The following MACF1 variants were observed in gnomAD, a reference collection of about 807,000 sequenced individuals.
MACF1 encodes microtubule-actin cross-linking factor 1.
MACF1 carries 193 observed loss-of-function variants against 854.8 expected under a neutral mutation model. The ratio of observed to expected loss-of-function variants is 0.23; its 90% CI spans 0.20 to 0.25. MACF1 has a LOEUF of 0.25. Ranked by LOEUF, MACF1 falls within the 10% of genes least tolerant of loss-of-function variation. MACF1 has a pLI of 1.00. For synonymous variants in MACF1, 3,185 were observed against 3,226.7 expected (o/e 0.99, Z 0.44); for missense variants, 7,722 against 8,929.1 (o/e 0.86, Z 5.45).
chr1:39,144,415 A>G (rs918419128), intron 2 of MACF1, among the ~76,000 whole-genome samples: 1 of 152,112 alleles, frequency 6.6e-6, no homozygotes, highest in African/African-American at 2.4e-5. Context: ...TAGCAACTCC[A>G]TATTCATGAG....
chr1:39,273,295 A>G (rs1300653507), intron 6 of MACF1, among the ~76,000 whole-genome samples: 1 of 150,678 alleles, frequency 6.6e-6, no homozygotes, highest in Non-Finnish European at 1.5e-5. Context: ...CGCCCCCACC[A>G]CGCCCAGCTA....
rs1345224215 is a variant in MACF1 at position 39,317,306 on chromosome 1, T to G, written c.3681T>G (p.Ser1227Arg). Residue 1227 changes from serine (S) to arginine (R), a missense_variant, in exon 29 of 101, where the codon AGT (serine) becomes AGG (arginine). Ser to Arg is a moderately radical substitution (Grantham distance 110). Transcript: ENST00000564288. Reference sequence around the variant, plus strand: ...CCAAGGTAGTGGCAGAGCAGATGAGTCGTCTGACACCAGAGCGAAATCTGG... The same window carrying G: ...CCAAGGTAGTGGCAGAGCAGATGAGGCGTCTGACACCAGAGCGAAATCTGG... ...AKAKVVAEQM[S>R]RLTPERNLDL... 1 of 1,613,966 alleles carries G rather than the reference T, an allele frequency of 6.2e-7. No individual in the cohort carries two copies.
intron 2 of MACF1, among the ~76,000 whole-genome samples, chr1:39,190,395 G>GTTTGTT (rs1644237866): frequency 1.3e-5 from 1 of 79,040 alleles, no homozygotes; most frequent in African/African-American, 4.7e-5. Context: ...GTGTGTGTTT[G>GTTTGTT]TTTTTGTTTT....
At chr1:39,130,107 G>A (rs892594434) in intron 2 of MACF1, among the ~76,000 whole-genome samples, 4 of 152,064 alleles carry the variant, frequency 2.6e-5, no homozygotes, top group African/African-American at 7.2e-5. Context: ...GTGTTGAAAT[G>A]TCGGTACCTG....
In MACF1 at chr1:39,336,317, A is replaced by G. The variant is rs764877599; in HGVS notation, c.9729A>G (p.Ala3243=). ...ELTGEKFLEM[A]NPNVAGLEAG... ...CTGGAGAGAAATTTCTAGAAATGGC[A>G]AACCCTAATGTTGCAGGTCTAGAAG... is the stretch of plus-strand genomic sequence containing the variant. The change falls in exon 37 of 101, where the codon GCA becomes GCG. Residue 3243 remains alanine (A), a synonymous_variant. Coordinates refer to ENST00000564288, the MANE Select transcript of MACF1 (RefSeq NM_001394062.1). 9 of 1,614,092 alleles carry G rather than the reference A, an allele frequency of 5.6e-6. No individual in the cohort carries two copies. The highest frequency in any genetic ancestry group is 1.7e-5 in the Admixed American group (1 of 60,004).
In MACF1 at chr1:39,389,351, GTTTT is replaced by G. The variant is rs10588247; in HGVS notation, c.15816+715_15816+718del. Among the ~76,000 whole-genome samples the G allele has an allele frequency of 1.2e-3, 75 of 63,478 alleles. 1 individual carries two copies. Among genetic ancestry groups the G allele is most frequent in the Admixed American group, 4.0e-3 (15 of 3,756 alleles). 41.6% of individuals were successfully genotyped at this position (63,478 alleles called of 152,430 possible). A position where few individuals can be genotyped will look rare whatever the true frequency, so the allele number is the denominator to read the frequency against. On this transcript the variant is annotated intron_variant, in intron 58 of 100. Coordinates refer to ENST00000564288, the MANE Select transcript of MACF1 (RefSeq NM_001394062.1). ...ATCTTCAGGTCTCTGGTTTTTGTGT[GTTTT>G]TTTTTTTTTTTTTTTTTTTTTGGAG...
chr1:39,310,224 C>G, intron 24 of MACF1, 21 bp from the exon 25 acceptor site: 1 of 1,584,402 alleles, frequency 6.3e-7, no homozygotes, highest in South Asian at 1.2e-5. Context: ...GTTGCAATTT[C>G]TTCTGGCTTT....
At chr1:39,448,245 A>G (rs1644266915) in intron 83 of MACF1, 93 bp downstream of exon 83, 1 of 1,403,684 alleles carries the variant, frequency 7.1e-7, no homozygotes, top group Admixed American at 2.3e-5. Context: ...GTAAAAAGAA[A>G]ACCAATTGGT....
intron 1 of MACF1, chr1:39,206,475 G>C (rs1023464289): frequency 2.0e-5 from 3 of 152,108 alleles, no homozygotes; most frequent in African/African-American, 7.2e-5. Context: ...CTAATTAGTT[G>C]TTAATATTTT....
chr1:39,209,957 G>T (rs772262430), intron 1 of MACF1, among the ~76,000 whole-genome samples: 1 of 152,084 alleles, frequency 6.6e-6, no homozygotes, highest in Admixed American at 6.6e-5. Context: ...GGGTGTGGTG[G>T]TGTGCGCCTG....
intron 2 of MACF1, among the ~76,000 whole-genome samples, chr1:39,119,846 G>T (rs1329067372): frequency 6.9e-6 from 1 of 145,414 alleles, no homozygotes; most frequent in Non-Finnish European, 1.5e-5. Context: ...ATGGAGAATT[G>T]TAATGTGCAG....
chr1:39,412,583 A>G, intron 58 of MACF1: 1 of 1,614,042 alleles, frequency 6.2e-7, no homozygotes, highest in Non-Finnish European at 8.5e-7. Context: ...CTGAGACTTA[A>G]TCCAGATGGA....
At chr1:39,286,040 T>C (rs1247996877) in intron 14 of MACF1, among the ~76,000 whole-genome samples, 1 of 152,132 alleles carries the variant, frequency 6.6e-6, no homozygotes, top group African/African-American at 2.4e-5. Context: ...AAAGACAGGG[T>C]CTCACTTTCG....
chr1:39,171,551 C>G (rs1643949180), intron 2 of MACF1, among the ~76,000 whole-genome samples: 1 of 152,166 alleles, frequency 6.6e-6, no homozygotes, highest in South Asian at 2.1e-4. Flanking sequence ...TGGCTTCTTT[C>G]ACTTAGCATA....
intron 2 of MACF1, among the ~76,000 whole-genome samples, chr1:39,199,178 G>T (rs1391104364): frequency 6.6e-6 from 1 of 151,666 alleles, no homozygotes; most frequent in Admixed American, 6.6e-5. Flanking sequence ...GTAGAGATGG[G>T]GTTTCACCGT....
chr1:39,099,794 G>A (rs1002790813), intron 2 of MACF1, among the ~76,000 whole-genome samples: 6 of 152,188 alleles, frequency 3.9e-5, no homozygotes, highest in African/African-American at 1.4e-4. Context: ...GATGAAGAAA[G>A]ATGAAATAGA....
At chr1:39,109,608 T>G (rs1488195758) in intron 2 of MACF1, among the ~76,000 whole-genome samples, 1 of 152,092 alleles carries the variant, frequency 6.6e-6, no homozygotes, top group Non-Finnish European at 1.5e-5. Flanking sequence ...TCTCCTTTTT[T>G]TTTTTTCTAT....
chr1:39,148,708 A>G (rs1369164062), intron 2 of MACF1, among the ~76,000 whole-genome samples: 1 of 152,180 alleles, frequency 6.6e-6, no homozygotes, highest in Non-Finnish European at 1.5e-5. Flanking sequence ...TTGGACTTTT[A>G]GGTAATTTTG....
Position 39,451,185 on chromosome 1 carries a change from G to C in MACF1, c.20392G>C (p.Val6798Leu). The C allele has an allele frequency of 6.2e-7, 1 of 1,614,016 alleles. No individual in the cohort carries two copies. The highest frequency in any genetic ancestry group is 8.5e-7 in the Non-Finnish European group (1 of 1,179,960). ...DQPVHGDLDL[V>L]MNLMDAHKVF... ...GCCCGTGCACGGGGACCTTGACCTC[G>C]TCATGAACCTCATGGATGCACACAA... The change falls in exon 85 of 101, where the codon GTC becomes CTC. Residue 6798 changes from valine (V) to leucine (L), a missense_variant. By Grantham distance (32) the Val-to-Leu change is conservative. This residue lies in a region of MACF1 where 729 missense variants were observed against 900.5 expected (regional missense o/e 0.81). Coordinates refer to ENST00000564288, the MANE Select transcript of MACF1 (RefSeq NM_001394062.1).
Sources: gnomAD v4.1 joint callset for allele counts (sites outside exome capture counted in the v4.1 genomes callset) on GRCh38, gnomAD v4.1.1 for gene constraint, gnomAD v4.1.1 regional missense constraint, MANE v1.5 for transcripts, NCBI Gene and HGNC (gene_info 2026-07-23, HGNC 2026-07-21) for gene names.